The following LRRC4C variants were observed in gnomAD, a reference collection of about 807,000 sequenced individuals.
LRRC4C encodes leucine rich repeat containing 4C.
A neutral mutation model predicts 33.6 loss-of-function variants in LRRC4C; 5 were observed. The ratio of observed to expected loss-of-function variants is 0.15; its 90% CI spans 0.08 to 0.31. The LOEUF is 0.31. Among genes scored for constraint, LRRC4C ranks in the 10% least tolerant of loss-of-function variants. The pLI is 1.00. For missense variants in LRRC4C, 560 were observed against 796.7 expected (o/e 0.70, Z 3.58); for synonymous variants, 329 against 302.0 (o/e 1.09, Z -0.93).
chr11:40,889,934 A>G (rs1955627472), intron 2 of LRRC4C, among the ~76,000 whole-genome samples: 1 of 152,200 alleles, frequency 6.6e-6, no homozygotes, highest in African/African-American at 2.4e-5. Context: ...GTATAATTAA[A>G]AACTCTAATA....
intron 3 of LRRC4C, among the ~76,000 whole-genome samples, chr11:40,441,389 C>A (rs1209513710): frequency 6.6e-6 from 1 of 152,158 alleles, no homozygotes; most frequent in Non-Finnish European, 1.5e-5. Context: ...GATAAAAAAA[C>A]AACAGTATGA....
In LRRC4C at chr11:41,329,887, C is replaced by G. The variant is rs191658509; in HGVS notation, c.-496+129544G>C. Among the ~76,000 whole-genome samples, 97 of 152,286 alleles carry G rather than the reference C, an allele frequency of 6.4e-4. 1 individual carries two copies. Among genetic ancestry groups the G allele is most frequent in the Admixed American group, 3.3e-3 (51 of 15,302 alleles). ...CCAATGGTGCAGGACTCTAGAAAAC[C>G]CACTGAACACTGAGCACGTGGAAAG... On this transcript the variant is annotated intron_variant, in intron 1 of 6. Transcript: ENST00000528697.
chr11:40,629,438 C>A (rs1963263297), intron 3 of LRRC4C, among the ~76,000 whole-genome samples: 1 of 152,076 alleles, frequency 6.6e-6, no homozygotes, highest in Non-Finnish European at 1.5e-5. Context: ...CTAGGTATAT[C>A]TCACCCTTAC....
intron 1 of LRRC4C, among the ~76,000 whole-genome samples, chr11:41,337,892 T>C (rs1051251574): frequency 1.3e-5 from 2 of 152,070 alleles, no homozygotes; most frequent in Non-Finnish European, 2.9e-5. Flanking sequence ...GAACAGACAC[T>C]TCTCAAAAGA....
chr11:40,646,685 C>G (rs1395805669), intron 3 of LRRC4C, among the ~76,000 whole-genome samples: 1 of 152,210 alleles, frequency 6.6e-6, no homozygotes, highest in South Asian at 2.1e-4. Flanking sequence ...CGGCTCACTG[C>G]AAGCTCCGCC....
In LRRC4C at chr11:40,735,550, G is replaced by T. The variant is rs545554012; in HGVS notation, c.-406-87272C>A. Among the ~76,000 whole-genome samples the T allele has an allele frequency of 2.1e-5, 3 of 145,162 alleles. No homozygotes were observed. The Admixed American group carries it at 2.1e-4, about 10-fold the overall frequency. ...ATATGTGCCACATTTTCTTAATCCA[G>T]TCTATCATTGTTGGACATTTGGCTT... On this transcript the variant is annotated intron_variant, in intron 2 of 6. Coordinates refer to ENST00000528697, the MANE Select transcript of LRRC4C (RefSeq NM_001258419.2).
chr11:40,558,356 T>C (rs547430929), intron 3 of LRRC4C, among the ~76,000 whole-genome samples: 1 of 152,344 alleles, frequency 6.6e-6, no homozygotes, highest in Non-Finnish European at 1.5e-5. Flanking sequence ...ATCTGCACAG[T>C]AATTCTGAAA....
chr11:40,167,950 A>G (rs962902059), intron 5 of LRRC4C, among the ~76,000 whole-genome samples: 3 of 152,176 alleles, frequency 2.0e-5, no homozygotes, highest in Non-Finnish European at 4.4e-5. Flanking sequence ...AGGCTGAGGC[A>G]GGAGAATTGC....
rs60148302 is a variant in LRRC4C at position 41,367,855 on chromosome 11, TTAATGATTCA to T, written c.-496+91566_-496+91575del. Among the ~76,000 whole-genome samples, 639 of 152,236 alleles carry T rather than the reference TTAATGATTCA, an allele frequency of 4.2e-3. 3 individuals carry two copies. Among genetic ancestry groups the T allele is most frequent in the African/African-American group, 0.014 (562 of 41,548 alleles). ...CCAGGCTATTAGGTTCACATTTGCC[TTAATGATTCA>T]TAATCCCTTTTTAAAAAGGTTATCA... On this transcript the variant is annotated intron_variant, in intron 1 of 6. Coordinates refer to ENST00000528697, the MANE Select transcript of LRRC4C (RefSeq NM_001258419.2).
At chr11:40,423,336 GTTCTT>G (rs1377527816) in intron 3 of LRRC4C, among the ~76,000 whole-genome samples, 4 of 115,106 alleles carry the variant, frequency 3.5e-5, no homozygotes, top group Non-Finnish European at 7.4e-5. Context: ...AGTTGTTCAT[GTTCTT>G]TTTTTTTTTT....
intron 2 of LRRC4C, among the ~76,000 whole-genome samples, chr11:40,862,697 A>G (rs552906774): frequency 6.6e-6 from 1 of 152,302 alleles, no homozygotes; most frequent in East Asian, 1.9e-4. Context: ...ATCATGGAAG[A>G]TGGATAAAGT....
chr11:40,155,132 G>A (rs1858575838), intron 5 of LRRC4C, among the ~76,000 whole-genome samples: 1 of 152,058 alleles, frequency 6.6e-6, no homozygotes, highest in South Asian at 2.1e-4. Context: ...ATGAAATCAA[G>A]ATGAAAATTA....
intron 1 of LRRC4C, among the ~76,000 whole-genome samples, chr11:41,147,809 G>A (rs185444576): frequency 1.3e-4 from 20 of 152,288 alleles, no homozygotes; most frequent in African/African-American, 4.8e-4. Flanking sequence ...TCAAGGTCAG[G>A]AGTGGTGGCT....
intron 5 of LRRC4C, among the ~76,000 whole-genome samples, chr11:40,171,510 T>C (rs1453946388): frequency 6.6e-6 from 1 of 152,176 alleles, no homozygotes; most frequent in Non-Finnish European, 1.5e-5. Context: ...TGGCACCCAA[T>C]CAACACCCAA....
In LRRC4C at chr11:40,697,933, T is replaced by C. The variant is rs540707838; in HGVS notation, c.-406-49655A>G. On this transcript the variant is annotated intron_variant, in intron 2 of 6. Coordinates refer to ENST00000528697, the MANE Select transcript of LRRC4C (RefSeq NM_001258419.2). ...AATACAAAAAATTAGCCAGGCATGG[T>C]GGCGGGCGCCTGTAGTCCCAGCTAC... Among the ~76,000 whole-genome samples, 40 of 152,006 alleles carry C rather than the reference T, an allele frequency of 2.6e-4. No individual in the cohort carries two copies. The East Asian group carries it at 6.8e-3, about 26-fold the overall frequency.
intron 1 of LRRC4C, among the ~76,000 whole-genome samples, chr11:41,150,771 AAAAT>A (rs1180417161): frequency 7.6e-6 from 1 of 131,222 alleles, no homozygotes; most frequent in Non-Finnish European, 1.6e-5. Context: ...ACTCCATCTC[AAAAT>A]AAATAAATAA....
chr11:41,363,434 A>G (rs1381614533), intron 1 of LRRC4C, among the ~76,000 whole-genome samples: 1 of 152,238 alleles, frequency 6.6e-6, no homozygotes, highest in East Asian at 1.9e-4. Flanking sequence ...GTATCTGTAT[A>G]TCGCTAATCT....
intron 3 of LRRC4C, among the ~76,000 whole-genome samples, chr11:40,567,262 TGG>T (rs1052825470): frequency 4.6e-5 from 7 of 152,094 alleles, no homozygotes; most frequent in Admixed American, 2.6e-4. Flanking sequence ...TCAAAACACT[TGG>T]TAATCACATT....
intron 4 of LRRC4C, among the ~76,000 whole-genome samples, chr11:40,273,159 G>T (rs929605051): frequency 1.3e-5 from 2 of 151,982 alleles, no homozygotes; most frequent in Non-Finnish European, 2.9e-5. Flanking sequence ...GATTTAATAC[G>T]CAGTATGTAT....
Sources: gnomAD v4.1 joint callset for allele counts (sites outside exome capture counted in the v4.1 genomes callset) on GRCh38, gnomAD v4.1.1 for gene constraint, MANE v1.5 for transcripts, NCBI Gene and HGNC (gene_info 2026-07-23, HGNC 2026-07-21) for gene names.